The following SRGAP2B variants were observed in gnomAD, a reference collection of about 807,000 sequenced individuals.
SRGAP2B encodes SLIT-ROBO Rho GTPase activating protein 2B, also known as SLIT-ROBO Rho GTPase-activating protein 2B.
SRGAP2B carries 9 observed loss-of-function variants against 22.2 expected under a neutral mutation model. The ratio of observed to expected loss-of-function variants is 0.41; its 90% CI spans 0.24 to 0.71. SRGAP2B has a LOEUF of 0.71. Ranked by LOEUF, SRGAP2B falls within the 30% of genes least tolerant of loss-of-function variation. The pLI is 0.35. For synonymous variants in SRGAP2B, 36 were observed against 87.4 expected, an observed-to-expected ratio of 0.41 and a Z score of 3.28; for missense variants, 114 against 235.8, an observed-to-expected ratio of 0.48 and a Z score of 3.38.
intron 3 of SRGAP2B, among the ~76,000 whole-genome samples, chr1:144,971,650 C>T (rs587755532): frequency 6.6e-6 from 1 of 150,856 alleles, no homozygotes; most frequent in African/African-American, 2.5e-5. Flanking sequence ...AATTCCCAAA[C>T]TCAGTGAATC....
intron 5 of SRGAP2B, among the ~76,000 whole-genome samples, chr1:144,908,710 TTAAATATATATTTA>T (rs1663168184): frequency 6.9e-6 from 1 of 144,386 alleles, no homozygotes; most frequent in South Asian, 2.2e-4. Context: ...GATATACATG[TTAAATATATATTTA>T]TAAATATATA....
chr1:144,991,379 ACT>A (rs1198862521), intron 3 of SRGAP2B, among the ~76,000 whole-genome samples: 1 of 150,270 alleles, frequency 6.7e-6, no homozygotes, highest in Non-Finnish European at 1.5e-5. Flanking sequence ...ACCAATCGAC[ACT>A]CTGTATCTAG....
intron 2 of SRGAP2B, among the ~76,000 whole-genome samples, chr1:145,039,382 G>C (rs1381125066): frequency 1.1e-5 from 1 of 93,266 alleles, no homozygotes; most frequent in Non-Finnish European, 2.2e-5. Context: ...GGCTGAGGTG[G>C]GAGGATCACT....
At chr1:144,990,706 C>T (rs1446311765) in intron 3 of SRGAP2B, among the ~76,000 whole-genome samples, 1 of 150,834 alleles carries the variant, frequency 6.6e-6, no homozygotes, top group Non-Finnish European at 1.5e-5. Context: ...AGCTGGAGTT[C>T]CGGGTGGGCT....
At chr1:145,014,608 CTG>C (rs1672285279) in intron 2 of SRGAP2B, among the ~76,000 whole-genome samples, 1 of 127,910 alleles carries the variant, frequency 7.8e-6, no homozygotes, top group African/African-American at 3.2e-5. Context: ...TTGAAACTCT[CTG>C]TGGTAACCGC....
intron 2 of SRGAP2B, among the ~76,000 whole-genome samples, chr1:145,011,387 C>G (rs1382605780): frequency 7.0e-6 from 1 of 143,752 alleles, no homozygotes; most frequent in African/African-American, 2.7e-5. Context: ...AGATCCCATT[C>G]CATTCTATGT....
rs587736674 is a variant in SRGAP2B at position 144,984,944 on chromosome 1, C to A, written c.260+10064G>T. On this transcript the variant is annotated intron_variant, in intron 3 of 9. Coordinates refer to ENST00000612199, the Ensembl canonical transcript of SRGAP2B. ...AGCTAAACCAGTCTACTCACTGTAC[C>A]TCAAAAGTGCTTTGTTCTTTCTTCT... 4.9e-5 allele frequency among the ~76,000 whole-genome samples: 7 copies of A among 142,706 alleles called. No homozygotes were observed. The East Asian group carries it at 1.4e-3, about 29-fold the overall frequency. 93.6% of individuals were successfully genotyped at this position (142,706 alleles called of 152,430 possible).
chr1:145,065,041 TG>T (rs1308031081), intron 2 of SRGAP2B, among the ~76,000 whole-genome samples: 1 of 146,732 alleles, frequency 6.8e-6, no homozygotes, highest in Non-Finnish European at 1.5e-5. Flanking sequence ...GTCCAGCACC[TG>T]GGTAAACAAT....
intron 2 of SRGAP2B, among the ~76,000 whole-genome samples, chr1:145,044,650 TAAAAAAAAAAAAAA>T (rs1184404731): frequency 5.6e-4 from 17 of 30,622 alleles, no homozygotes; most frequent in East Asian, 1.9e-3. Flanking sequence ...AACCCCCTCC[TAAAAAAAAAAAAAA>T]AAAAAAAAAA....
chr1:144,922,291 C>T (rs1553604412), intron 4 of SRGAP2B, among the ~76,000 whole-genome samples: 1 of 92,950 alleles, frequency 1.1e-5, no homozygotes, highest in Admixed American at 1.2e-4. Flanking sequence ...CACTATGCTG[C>T]CTCCTTACGT....
intron 4 of SRGAP2B, among the ~76,000 whole-genome samples, chr1:144,951,098 T>A (rs782366848): frequency 4.0e-5 from 6 of 151,172 alleles, no homozygotes; most frequent in South Asian, 2.1e-4. Flanking sequence ...TCTGCCCACC[T>A]TGGCCTCCCA....
chr1:144,922,698 G>T (rs1664342624), intron 4 of SRGAP2B, among the ~76,000 whole-genome samples: 1 of 150,224 alleles, frequency 6.7e-6, no homozygotes, highest in Non-Finnish European at 1.5e-5. Context: ...GTACAACTAG[G>T]ATATGGTTCG....
At chr1:145,093,673 G>C (rs1654170445) in intron 1 of SRGAP2B, among the ~76,000 whole-genome samples, 3 of 146,358 alleles carry the variant, frequency 2.0e-5, no homozygotes, top group South Asian at 4.2e-4. Flanking sequence ...GCGGGCTCCG[G>C]GCGGGAACTG....
intron 2 of SRGAP2B, among the ~76,000 whole-genome samples, chr1:145,017,843 G>T (rs1182943676): frequency 6.6e-6 from 1 of 150,552 alleles, no homozygotes; most frequent in African/African-American, 2.5e-5. Context: ...GTCAGCTAAG[G>T]CTCACAGTAA....
At chr1:144,973,239 A>G (rs1462231544) in intron 3 of SRGAP2B, among the ~76,000 whole-genome samples, 2 of 148,092 alleles carry the variant, frequency 1.4e-5, no homozygotes, top group Non-Finnish European at 2.9e-5. Context: ...AGCTTGTAGT[A>G]TAAAATATGG....
At chr1:145,019,778 C>A (rs1323821144) in intron 2 of SRGAP2B, among the ~76,000 whole-genome samples, 7 of 145,864 alleles carry the variant, frequency 4.8e-5, no homozygotes, top group Non-Finnish European at 1.0e-4. Context: ...AGAATAAAAG[C>A]CAACAGCCTA....
At chr1:145,030,703 T>A (rs1456804438) in intron 2 of SRGAP2B, among the ~76,000 whole-genome samples, 14 of 18,256 alleles carry the variant, frequency 7.7e-4, no homozygotes, top group South Asian at 2.6e-3. Flanking sequence ...AAGTATAATT[T>A]AAAAAAAAAA....
chr1:145,030,196 T>C (rs1197810953), intron 2 of SRGAP2B, among the ~76,000 whole-genome samples: 1 of 147,242 alleles, frequency 6.8e-6, no homozygotes, highest in African/African-American at 2.6e-5. Flanking sequence ...TTTGTGACAG[T>C]CTGATTCTAT....
chr1:144,930,555 C>T (rs1284718269), intron 4 of SRGAP2B, among the ~76,000 whole-genome samples: 5 of 149,152 alleles, frequency 3.4e-5, no homozygotes, highest in African/African-American at 1.0e-4. Flanking sequence ...CGTATAAAAG[C>T]TCTATATGGG....
Sources: gnomAD v4.1 joint callset for allele counts (sites outside exome capture counted in the v4.1 genomes callset) on GRCh38, gnomAD v4.1.1 for gene constraint, MANE v1.5 for transcripts, NCBI Gene and HGNC (gene_info 2026-07-23, HGNC 2026-07-21) for gene names.